MFF: variants seen among roughly 807,000 people sequenced by gnomAD.
The protein encoded by MFF is chromosome 2 open reading frame 33.
A neutral mutation model predicts 36.9 loss-of-function variants in MFF; 12 were observed. That is an observed-to-expected ratio of 0.33 (90% CI 0.21 to 0.53). MFF has a LOEUF of 0.53. Among genes scored for constraint, MFF ranks in the 20% least tolerant of loss-of-function variants. The probability of loss-of-function intolerance (pLI) is 0.95; values close to 1 mark genes in which losing one functional copy is unlikely to be tolerated. For missense variants in MFF, 348 were observed against 366.6 expected (o/e 0.95, Z 0.42); for synonymous variants, 99 against 126.2 (o/e 0.78, Z 1.44).
chr2:227,353,043 A>G (rs560374417), intron 7 of MFF, among the ~76,000 whole-genome samples: 1 of 152,288 alleles, frequency 6.6e-6, no homozygotes, highest in East Asian at 1.9e-4. Context: ...TAACAACTCC[A>G]CAGTTTGGGA....
Position 227,357,007 on chromosome 2 carries a change from C to G in MFF, c.766C>G (p.Leu256Val). The G allele has an allele frequency of 6.2e-7, 1 of 1,612,984 alleles. No homozygotes were observed. The highest frequency in any genetic ancestry group is 8.5e-7 in the Non-Finnish European group (1 of 1,179,260). The change falls in exon 9 of 9, where the codon CTA (leucine) becomes GTA (valine). Residue 256 changes from leucine (L) to valine (V), a missense_variant. Coordinates refer to ENST00000304593, the MANE Select transcript of MFF (RefSeq NM_001277062.2). ...RRQIIKLNRR[L>V]QLLEEENKER... is the part of the protein sequence containing the mutation. ...TTAGATAATCAAACTAAATAGACGTCTACAACTTCTGGAAGAGGAGAACAA... is the reference window on the plus strand; with the variant it reads ...TTAGATAATCAAACTAAATAGACGTGTACAACTTCTGGAAGAGGAGAACAA...
intron 6 of MFF, chr2:227,351,784 A>T (rs1316714661): frequency 6.6e-6 from 1 of 152,250 alleles, no homozygotes; most frequent in African/African-American, 2.4e-5. Context: ...GGAAATCCCC[A>T]CCAAGTTTCC....
chr2:227,336,071 G>A (rs1202608465), intron 4 of MFF, among the ~76,000 whole-genome samples: 1 of 152,196 alleles, frequency 6.6e-6, no homozygotes, highest in Non-Finnish European at 1.5e-5. Flanking sequence ...TCTCAAAAAG[G>A]AATCCGAACT....
intron 4 of MFF, among the ~76,000 whole-genome samples, chr2:227,337,978 G>C (rs1189515220): frequency 6.6e-6 from 1 of 151,784 alleles, no homozygotes; most frequent in African/African-American, 2.4e-5. Context: ...CCGGGAGGCA[G>C]AGATTGCATA....
intron 6 of MFF, 49 bp from the exon 7 acceptor site, chr2:227,352,465 C>T (rs1384975378): frequency 2.2e-6 from 3 of 1,369,266 alleles, no homozygotes; most frequent in African/African-American, 1.7e-5. Context: ...TATTACTTCT[C>T]TGTTTCCTGA....
chr2:227,353,830 T>G (rs1457237109), intron 7 of MFF, among the ~76,000 whole-genome samples: 2 of 152,220 alleles, frequency 1.3e-5, no homozygotes, highest in Admixed American at 6.5e-5. Context: ...CATTTGTACT[T>G]CATTCTGTAT....
rs545943221 is a variant in MFF at position 227,353,728 on chromosome 2, C to A, written c.659+1155C>A. ...TTAAATTGAAGTATATAGGTAAAATCTTTTGTCATATCCTTATATTTCTTT... is the reference window on the plus strand; with the variant it reads ...TTAAATTGAAGTATATAGGTAAAATATTTTGTCATATCCTTATATTTCTTT... On this transcript the variant is annotated intron_variant, in intron 7 of 8. Transcript: ENST00000304593. 7.2e-5 allele frequency among the ~76,000 whole-genome samples: 11 copies of A among 152,152 alleles called. No homozygotes were observed. In the South Asian group the frequency reaches 1.7e-3, roughly 23 times the overall value.
At chr2:227,347,476 C>T in intron 6 of MFF, 92 bp downstream of exon 6, 2 of 993,962 alleles carry the variant, frequency 2.0e-6, no homozygotes, top group South Asian at 1.5e-5. Context: ...TCTGTTTTTA[C>T]CTTCTAGCCT....
chr2:227,330,491 C>T, intron 2 of MFF, 135 bp from the exon 3 acceptor site: 6 of 582,974 alleles, frequency 1.0e-5, no homozygotes, highest in South Asian at 5.2e-5. Flanking sequence ...TTTATTTTTG[C>T]TTTGTATGTG....
At chr2:227,326,226 G>GA (rs58063493) in intron 1 of MFF, among the ~76,000 whole-genome samples, 4,784 of 133,636 alleles carry the variant, frequency 0.036, 246 homozygotes, top group African/African-American at 0.12. Context: ...CATTAAAGGG[G>GA]AAAAAAAAAA....
At chr2:227,352,417 C>G in intron 6 of MFF, 97 bp from the exon 7 acceptor site, 1 of 865,636 alleles carries the variant, frequency 1.2e-6, no homozygotes, top group Non-Finnish European at 1.9e-6. Context: ...CAATATAATC[C>G]TATTTGACAT....
At chr2:227,331,358 C>T (rs2074557309) in intron 3 of MFF, among the ~76,000 whole-genome samples, 1 of 152,162 alleles carries the variant, frequency 6.6e-6, no homozygotes, top group African/African-American at 2.4e-5. Flanking sequence ...ATCAGTTGTT[C>T]ATTCAGTTTT....
intron 5 of MFF, among the ~76,000 whole-genome samples, chr2:227,342,031 C>T (rs2075422490): frequency 6.6e-6 from 1 of 152,022 alleles, no homozygotes. Context: ...TACTCAATAA[C>T]ATAAGTTCCT....
At position 227,342,798 on chromosome 2, in the gene MFF, C is replaced by T. The variant is rs1208966544; in HGVS notation, c.440+2418C>T. 1.9e-6 allele frequency: 3 copies of T among 1,613,560 alleles called. No homozygotes were observed. Among genetic ancestry groups the T allele is most frequent in the South Asian group, 1.1e-5 (1 of 91,074 alleles). On this transcript the variant is annotated intron_variant, in intron 5 of 8. Transcript: ENST00000304593. ...AATAAAATTTCAAGGTTCCAGGCAC[C>T]GATTTCTGCACCGGAGTACACGTAA...
intron 6 of MFF, among the ~76,000 whole-genome samples, chr2:227,350,061 TG>T (rs997635898): frequency 1.2e-4 from 19 of 152,270 alleles, no homozygotes; most frequent in African/African-American, 4.6e-4. Context: ...TCAAAAGGTT[TG>T]TGTACCATAT....
intron 4 of MFF, among the ~76,000 whole-genome samples, chr2:227,335,525 A>T (rs946617633): frequency 6.6e-6 from 1 of 152,246 alleles, no homozygotes; most frequent in Non-Finnish European, 1.5e-5. Flanking sequence ...GTGTTTTAAA[A>T]TAAAAAAGAA....
chr2:227,350,992 T>C (rs2075967689), intron 6 of MFF, among the ~76,000 whole-genome samples: 1 of 152,218 alleles, frequency 6.6e-6, no homozygotes, highest in Non-Finnish European at 1.5e-5. Context: ...TTTCTGGCTC[T>C]GCGTTATAAA....
chr2:227,327,468 C>T (rs1285123457), intron 1 of MFF, among the ~76,000 whole-genome samples: 1 of 149,148 alleles, frequency 6.7e-6, no homozygotes, highest in Non-Finnish European at 1.5e-5. Flanking sequence ...AGCAGAAAAC[C>T]CAATAATTGG....
At chr2:227,352,447 T>G in intron 6 of MFF, 67 bp from the exon 7 acceptor site, 1 of 1,188,298 alleles carries the variant, frequency 8.4e-7, no homozygotes, top group South Asian at 1.3e-5. Context: ...TTGTTTTTGC[T>G]TTTATTTTAT....
Sources: gnomAD v4.1 joint callset for allele counts (sites outside exome capture counted in the v4.1 genomes callset) on GRCh38, gnomAD v4.1.1 for gene constraint, MANE v1.5 for transcripts, NCBI Gene and HGNC (gene_info 2026-07-23, HGNC 2026-07-21) for gene names.